Variants in ATP7A observed in about 807,000 individuals in gnomAD.
ATP7A encodes the protein copper-transporting ATPase 1.
A neutral mutation model predicts 83.5 loss-of-function variants in ATP7A; 7 were observed. The ratio of observed to expected loss-of-function variants is 0.08; its 90% confidence interval spans 0.05 to 0.16. The LOEUF (loss-of-function observed/expected upper bound fraction) is 0.16. Ranked by LOEUF, ATP7A falls within the 10% of genes least tolerant of loss-of-function variation. The probability of loss-of-function intolerance (pLI) is 1.00; values close to 1 mark genes in which losing one functional copy is unlikely to be tolerated. For missense variants in ATP7A, 940 were observed against 1,120.8 expected, an observed-to-expected ratio of 0.84 and a Z score of 2.30; for synonymous variants, 354 against 395.2, an observed-to-expected ratio of 0.90 and a Z score of 1.24.
chrX:78,012,101 C>T (rs781988709), intron 9 of ATP7A, among the ~76,000 whole-genome samples: 85 of 110,699 alleles, frequency 7.7e-4, no homozygotes, highest in African/African-American at 2.7e-3. Context: ...CTAGCCACTG[C>T]ACCCAGCTCA....
chrX:77,931,524 T>C (rs1333195096), intron 1 of ATP7A, among the ~76,000 whole-genome samples: 1 of 112,619 alleles, frequency 8.9e-6, no homozygotes, highest in Admixed American at 9.3e-5. Flanking sequence ...CAATGAGCTG[T>C]TGGGTACACC....
chrX:77,942,455 G>C (rs112957860), intron 1 of ATP7A, among the ~76,000 whole-genome samples: 25 of 108,909 alleles, frequency 2.3e-4, no homozygotes, highest in East Asian at 8.6e-4. Flanking sequence ...TTTTGCGGGG[G>C]GGGTAGGGGA....
chrX:77,952,684 GC>G (rs1557226919), intron 1 of ATP7A, among the ~76,000 whole-genome samples: 3 of 111,041 alleles, frequency 2.7e-5, no homozygotes, highest in Non-Finnish European at 5.7e-5. Flanking sequence ...GAAATGTTTG[GC>G]CAAACTGAGT....
intron 15 of ATP7A, among the ~76,000 whole-genome samples, chrX:78,030,183 T>C (rs1488421425): frequency 8.9e-6 from 1 of 112,204 alleles, no homozygotes; most frequent in African/African-American, 3.2e-5. Flanking sequence ...CCCAGCACTT[T>C]GGGAGGCTGA....
At chrX:77,930,272 G>A (rs1206921463) in intron 1 of ATP7A, among the ~76,000 whole-genome samples, 1 of 111,662 alleles carries the variant, frequency 9.0e-6, no homozygotes. Flanking sequence ...TATAGTCTCA[G>A]TACTAAGTGA....
chrX:78,007,767 G>A (rs1473009333), intron 6 of ATP7A, among the ~76,000 whole-genome samples: 2 of 111,598 alleles, frequency 1.8e-5, no homozygotes, highest in Non-Finnish European at 3.8e-5. Context: ...CTTCGTTGGC[G>A]GTGTTGTTTA....
chrX:78,002,972 A>G lies in ATP7A; in HGVS notation c.1544-101A>G. ...CCAGATTCAAATCCTTTAATACTTA[A>G]GAGAAATCCTTTCATACTTGATAAT... On this transcript the variant is annotated intron_variant, in intron 5 of 22. Transcript: ENST00000341514. The G allele has an allele frequency of 4.4e-6, 4 of 899,727 alleles. No individual in the cohort carries two copies. In the South Asian group the frequency reaches 8.8e-5, roughly 20 times the overall value. 74.1% of individuals were successfully genotyped at this position (899,727 alleles called of 1,213,427 possible).
rs2149115190 is a variant in ATP7A, at chrX:78,048,661, T to C, written c.*2091T>C. ...ATTAATCTAGAAAGGCAAACCCATT[T>C]CACTGAAATATCAATGGGTTTGCAT... On this transcript the variant is annotated 3_prime_UTR_variant, in exon 23 of 23. Transcript: ENST00000341514. The C allele has an allele frequency of 8.9e-6, 1 of 112,348 alleles. No individual in the cohort carries two copies. The highest frequency in any genetic ancestry group is 3.7e-4 in the South Asian group (1 of 2,696). The allele number at this position is 112,348 out of a possible 1,213,427, so 9.3% of individuals were successfully genotyped here. A position where few individuals can be genotyped will look rare whatever the true frequency, so the allele number is the denominator to read the frequency against.
intron 1 of ATP7A, among the ~76,000 whole-genome samples, chrX:77,919,243 T>G (rs1170342685): frequency 8.9e-6 from 1 of 111,943 alleles, no homozygotes. Flanking sequence ...CAAATTACTT[T>G]GTGCTCTGGG....
At position 78,045,512 on chromosome X, in the gene ATP7A, G is replaced by C. The variant is rs1557238998; in HGVS notation, c.4166G>C (p.Gly1389Ala). The C allele has an allele frequency of 8.3e-7, 1 of 1,211,720 alleles. No individual in the cohort carries two copies. Among genetic ancestry groups the C allele is most frequent in the East Asian group, 3.0e-5 (1 of 33,879 alleles). ...GGTTTGGTTTTGCAGCCCTGGATGG[G>C]ATCTGCAGCAATGGCTGCTTCATCT... ...PIGLVLQPWM[G>A]SAAMAASSVS... Residue 1389 changes from glycine (G) to alanine (A), a missense_variant, in exon 22 of 23, where the codon GGA (glycine) becomes GCA (alanine). By Grantham distance (60) the Gly-to-Ala change is moderately conservative. Around this residue, in one of 3 missense-constraint regions of ATP7A, gnomAD observed 386 missense variants for 502.2 expected, o/e 0.77. Coordinates refer to ENST00000341514, the MANE Select transcript of ATP7A (RefSeq NM_000052.7).
At chrX:78,009,985 T>C (rs781789552) in intron 7 of ATP7A, among the ~76,000 whole-genome samples, 5 of 112,892 alleles carry the variant, frequency 4.4e-5, no homozygotes, top group Non-Finnish European at 7.5e-5. Context: ...TGTTCTTCAA[T>C]AAGTCTTAAG....
At chrX:77,992,464 C>T (rs1190812184) in intron 4 of ATP7A, among the ~76,000 whole-genome samples, 5 of 110,843 alleles carry the variant, frequency 4.5e-5, no homozygotes, top group African/African-American at 9.8e-5. Flanking sequence ...AAAGTCTGAA[C>T]GAAGTGTAGG....
chrX:77,959,923 C>A (rs1173444379), intron 1 of ATP7A, among the ~76,000 whole-genome samples: 2 of 112,118 alleles, frequency 1.8e-5, no homozygotes, highest in Admixed American at 1.9e-4. Context: ...CATAATTGTA[C>A]TAATTTATAC....
chrX:78,024,708 G>C (rs2077930990), intron 14 of ATP7A, among the ~76,000 whole-genome samples: 1 of 111,501 alleles, frequency 9.0e-6, no homozygotes, highest in South Asian at 3.8e-4. Context: ...CATTTTAGTG[G>C]TAGCTATCAG....
rs1369419255 is a variant in ATP7A, at chrX:78,038,711, G to A, written c.3512-125G>A. 3 of 776,983 alleles carry A rather than the reference G, an allele frequency of 3.9e-6. No homozygotes were observed. In the Admixed American group the frequency reaches 8.1e-5, roughly 21 times the overall value. The allele number at this position is 776,983 out of a possible 1,213,427, so 64.0% of individuals were successfully genotyped here. On this transcript the variant is annotated intron_variant, in intron 17 of 22. Transcript: ENST00000341514. ...TTAGAAAATTTGAACATCACTGTTG[G>A]AGGCTATGTTCTAGGAGCAATACAA...
intron 9 of ATP7A, among the ~76,000 whole-genome samples, chrX:78,012,555 G>C (rs1005194441): frequency 9.9e-6 from 1 of 100,754 alleles, no homozygotes; most frequent in Non-Finnish European, 2.0e-5. Context: ...CCAGGAGTTT[G>C]AGACCAGCCT....
intron 17 of ATP7A, among the ~76,000 whole-genome samples, chrX:78,034,746 C>CTT (rs781904882): frequency 1.0e-5 from 1 of 100,204 alleles, no homozygotes; most frequent in Non-Finnish European, 2.0e-5. Flanking sequence ...CTGGCTGTTC[C>CTT]TTTTTTTTTT....
At chrX:77,962,873 T>A (rs1429651431) in intron 1 of ATP7A, 2 of 366,378 alleles carry the variant, frequency 5.5e-6, no homozygotes, top group Admixed American at 5.5e-5. Context: ...AATGCTGTGA[T>A]TCTTGGAAAC....
At chrX:77,972,768 C>T (rs969951878) in intron 2 of ATP7A, among the ~76,000 whole-genome samples, 15 of 110,960 alleles carry the variant, frequency 1.4e-4, no homozygotes, top group Non-Finnish European at 2.5e-4. Context: ...TCCCAGAGTG[C>T]GGGGATTACA....
Sources: gnomAD v4.1 joint callset for allele counts (sites outside exome capture counted in the v4.1 genomes callset) on GRCh38, gnomAD v4.1.1 for gene constraint, gnomAD v4.1.1 regional missense constraint, MANE v1.5 for transcripts, NCBI Gene and HGNC (gene_info 2026-07-23, HGNC 2026-07-21) for gene names.